TENT2: variants seen among roughly 807,000 people sequenced by gnomAD.
TENT2 encodes poly(A) RNA polymerase GLD2.
A neutral mutation model predicts 72.2 loss-of-function variants in TENT2; 44 were observed. That is an observed-to-expected ratio of 0.61 (90% CI 0.48 to 0.78). TENT2 has a LOEUF of 0.78. Ranked by LOEUF, TENT2 falls within the 30% of genes least tolerant of loss-of-function variation. TENT2 has a pLI of 0.00. For synonymous variants in TENT2, 212 were observed against 192.5 expected (o/e 1.10, Z -0.84); for missense variants, 541 against 569.6 (o/e 0.95, Z 0.51).
chr5:79,671,610 T>A lies in TENT2; in HGVS notation c.1208+2582T>A, dbSNP rs545776316. ...TTTTAGTAGAGATGGGGTTTCACCA[T>A]ATTGGCCAGGTTGGTCTTGAACTCC... On this transcript the variant is annotated intron_variant, in intron 12 of 14. Coordinates refer to ENST00000453514, the MANE Select transcript of TENT2 (RefSeq NM_001114394.3). 2.0e-5 allele frequency among the ~76,000 whole-genome samples: 3 copies of A among 152,120 alleles called. No homozygotes were observed. The East Asian group carries it at 5.8e-4, about 29-fold the overall frequency.
chr5:79,682,232 C>G (rs1822547873), intron 14 of TENT2, among the ~76,000 whole-genome samples, 171 bp downstream of exon 14: 1 of 152,182 alleles, frequency 6.6e-6, no homozygotes, highest in African/African-American at 2.4e-5. Context: ...TCAAAGAGAT[C>G]TGGCTCTGTT....
chr5:79,645,034 A>C, intron 7 of TENT2, 89 bp from the exon 8 acceptor site: 1 of 964,894 alleles, frequency 1.0e-6, no homozygotes, highest in Non-Finnish European at 1.5e-6. Flanking sequence ...ATTTTAGCTT[A>C]GTAAATACTA....
chr5:79,640,555 T>C (rs367846600), intron 4 of TENT2, among the ~76,000 whole-genome samples: 9 of 152,332 alleles, frequency 5.9e-5, no homozygotes, highest in African/African-American at 2.2e-4. Flanking sequence ...GCCATACTAA[T>C]AAAGTGAGCA....
intron 12 of TENT2, among the ~76,000 whole-genome samples, chr5:79,671,052 A>G (rs917155851): frequency 9.2e-5 from 14 of 152,108 alleles, no homozygotes; most frequent in Admixed American, 8.5e-4. Flanking sequence ...TTTCCCATGT[A>G]TAGTGTAGGA....
At chr5:79,642,974 C>A (rs540967414) in intron 7 of TENT2, 64 bp downstream of exon 7, 2 of 1,577,428 alleles carry the variant, frequency 1.3e-6, no homozygotes, top group East Asian at 2.3e-5. Context: ...ATGCCTCTTA[C>A]ATTATCTTCT....
intron 12 of TENT2, among the ~76,000 whole-genome samples, chr5:79,671,057 G>A (rs531539427): frequency 6.6e-6 from 1 of 152,100 alleles, no homozygotes; most frequent in Non-Finnish European, 1.5e-5. Flanking sequence ...CATGTATAGT[G>A]TAGGATTAGA....
chr5:79,662,215 A>G (rs1379032477), intron 11 of TENT2, among the ~76,000 whole-genome samples: 1 of 152,206 alleles, frequency 6.6e-6, no homozygotes, highest in Non-Finnish European at 1.5e-5. Flanking sequence ...TCCACTGCTA[A>G]TTCTAATTAT....
chr5:79,664,882 A>AT (rs1401519788), intron 11 of TENT2, among the ~76,000 whole-genome samples: 2 of 152,198 alleles, frequency 1.3e-5, no homozygotes, highest in African/African-American at 4.8e-5. Context: ...AAGTAACTTG[A>AT]TTAAATGCCT....
chr5:79,645,217 T>G, intron 8 of TENT2, 25 bp downstream of exon 8: 1 of 1,562,152 alleles, frequency 6.4e-7, no homozygotes. Flanking sequence ...AGCTTTCTTT[T>G]TTTAGTTCCT....
chr5:79,672,566 T>C (rs891233032), intron 12 of TENT2, among the ~76,000 whole-genome samples: 1 of 152,220 alleles, frequency 6.6e-6, no homozygotes, highest in African/African-American at 2.4e-5. Flanking sequence ...CATGTGAAGT[T>C]TGTCTTTGTG....
At chr5:79,670,219 C>CAA (rs1327703736) in intron 12 of TENT2, among the ~76,000 whole-genome samples, 1 of 115,304 alleles carries the variant, frequency 8.7e-6, no homozygotes, top group African/African-American at 3.2e-5. Context: ...AACTCTATCT[C>CAA]AAAAAAAAAA....
intron 8 of TENT2, among the ~76,000 whole-genome samples, chr5:79,645,854 C>T (rs1323815305): frequency 6.7e-6 from 1 of 149,614 alleles, no homozygotes; most frequent in Admixed American, 6.7e-5. Context: ...AACACACACA[C>T]ACACACATTG....
intron 11 of TENT2, among the ~76,000 whole-genome samples, chr5:79,666,530 T>C (rs1294191625): frequency 2.0e-5 from 3 of 151,872 alleles, no homozygotes; most frequent in Non-Finnish European, 2.9e-5. Flanking sequence ...CTATTTTTTT[T>C]AGAGATAGGC....
intron 4 of TENT2, among the ~76,000 whole-genome samples, chr5:79,638,383 C>T (rs1000704021): frequency 6.6e-6 from 1 of 152,120 alleles, no homozygotes; most frequent in African/African-American, 2.4e-5. Context: ...AATCATTTTA[C>T]ACCTTTCCTT....
chr5:79,649,386 G>GTT (rs372101489), intron 10 of TENT2, among the ~76,000 whole-genome samples, 196 bp downstream of exon 10: 1,603 of 139,784 alleles, frequency 0.011, 51 homozygotes, highest in African/African-American at 0.039. Flanking sequence ...AAGTTTCACT[G>GTT]TTTTTTTTTT....
chr5:79,633,165 C>T (rs1273809850), intron 4 of TENT2, among the ~76,000 whole-genome samples: 1 of 152,146 alleles, frequency 6.6e-6, no homozygotes, highest in Non-Finnish European at 1.5e-5. Context: ...ACTTTTATTA[C>T]ACATCTGGCT....
chr5:79,636,220 A>G (rs1051931651), intron 4 of TENT2, among the ~76,000 whole-genome samples: 18 of 152,088 alleles, frequency 1.2e-4, no homozygotes, highest in Admixed American at 1.0e-3. Context: ...TTAGCTTTTT[A>G]TTATGGAAAA....
At chr5:79,663,280 T>TG (rs1248143596) in intron 11 of TENT2, among the ~76,000 whole-genome samples, 2 of 152,240 alleles carry the variant, frequency 1.3e-5, no homozygotes, top group Non-Finnish European at 2.9e-5. Flanking sequence ...TTATCATTGA[T>TG]GCGTTCACTG....
chr5:79,676,474 A>G (rs1033985663), intron 12 of TENT2, among the ~76,000 whole-genome samples: 1 of 151,866 alleles, frequency 6.6e-6, no homozygotes, highest in Non-Finnish European at 1.5e-5. Context: ...AATCCCAGCT[A>G]CTCGGGATGC....
Sources: allele counts gnomAD v4.1 joint callset (sites outside exome capture counted in the v4.1 genomes callset), GRCh38; gene constraint gnomAD v4.1.1; transcripts MANE v1.5; gene names NCBI Gene and HGNC (gene_info 2026-07-23, HGNC 2026-07-21).